DAB1: variants seen among roughly 807,000 people sequenced by gnomAD.
DAB1 encodes DAB adaptor protein 1.
In DAB1, 15 loss-of-function variants were observed where a neutral mutation model predicts 64.6. The observed-to-expected ratio is 0.23, with a 90% CI of 0.16 to 0.36. The LOEUF (loss-of-function observed/expected upper bound fraction) is 0.36. DAB1 is among the 10% of genes least tolerant of loss of function. The probability of loss-of-function intolerance (pLI) is 1.00; values close to 1 mark genes in which losing one functional copy is unlikely to be tolerated. For missense variants in DAB1, 596 were observed against 706.7 expected, an observed-to-expected ratio of 0.84 and a Z score of 1.78; for synonymous variants, 235 against 251.9, an observed-to-expected ratio of 0.93 and a Z score of 0.64.
chr1:57,288,147 G>T (rs1401135492), intron 2 of DAB1, among the ~76,000 whole-genome samples: 1 of 152,128 alleles, frequency 6.6e-6, no homozygotes, highest in Admixed American at 6.5e-5. Context: ...AATGTATAGA[G>T]AATAATAATT....
At chr1:58,290,388 C>A (rs753653617) in intron 4 of DAB1, among the ~76,000 whole-genome samples, 39 of 152,156 alleles carry the variant, frequency 2.6e-4, no homozygotes, top group Admixed American at 1.6e-3. Context: ...ATGAGCAAGT[C>A]ATAAAGCAGC....
chr1:58,455,378 C>T (rs905607691), intron 3 of DAB1, among the ~76,000 whole-genome samples: 4 of 152,196 alleles, frequency 2.6e-5, no homozygotes, highest in African/African-American at 9.7e-5. Context: ...GCCTTAATAC[C>T]CTAGGATTGC....
intron 1 of DAB1, among the ~76,000 whole-genome samples, chr1:57,861,347 T>C (rs1886137): frequency 0.11 from 17,073 of 152,250 alleles, 1,181 homozygotes; most frequent in Admixed American, 0.24. Flanking sequence ...GGTGCCAGCA[T>C]GGTCAGATTC....
At chr1:58,114,268 G>GA (rs1428063158) in intron 5 of DAB1, among the ~76,000 whole-genome samples, 2 of 151,798 alleles carry the variant, frequency 1.3e-5, no homozygotes, top group Admixed American at 6.6e-5. Context: ...TCTCAAAAAA[G>GA]AAAAAAAGTT....
intron 3 of DAB1, among the ~76,000 whole-genome samples, chr1:58,456,521 G>A (rs1217247337): frequency 1.3e-5 from 2 of 152,202 alleles, no homozygotes; most frequent in African/African-American, 4.8e-5. Flanking sequence ...TGTGGCAATG[G>A]AGGAGTGTGA....
intron 7 of DAB1, among the ~76,000 whole-genome samples, chr1:57,606,628 A>C (rs1161421678): frequency 3.4e-5 from 4 of 116,144 alleles, no homozygotes; most frequent in Non-Finnish European, 4.8e-5. Context: ...AATATATGAA[A>C]TATATTATAT....
At chr1:58,462,408 T>C (rs1308374837) in intron 3 of DAB1, 1 of 152,204 alleles carries the variant, frequency 6.6e-6, no homozygotes, top group Non-Finnish European at 1.5e-5. Flanking sequence ...TTAACTAAAT[T>C]CTTTTCTGTA....
chr1:58,158,457 G>C lies in DAB1; in HGVS notation n.310-7869C>G, dbSNP rs80082989. Among the ~76,000 whole-genome samples the C allele has an allele frequency of 1.4e-3, 211 of 152,114 alleles. 1 individual carries two copies. Among genetic ancestry groups the C allele is most frequent in the Non-Finnish European group, 2.4e-3 (163 of 67,996 alleles). ...TGGCTTGTTCAAAGCTAAAACTCTC[G>C]GTCCACATCCAGGATGGTCCCCCAC... On this transcript the variant is annotated intron_variant and non_coding_transcript_variant, in intron 4 of 20. Transcript: ENST00000485760.
intron 9 of DAB1, among the ~76,000 whole-genome samples, chr1:57,059,021 T>C (rs1650119505): frequency 6.6e-6 from 1 of 152,178 alleles, no homozygotes; most frequent in South Asian, 2.1e-4. Flanking sequence ...GTACTCTATT[T>C]GGGGTAAGGA....
chr1:58,496,059 T>C (rs529118949), intron 3 of DAB1, among the ~76,000 whole-genome samples: 1 of 152,314 alleles, frequency 6.6e-6, no homozygotes, highest in South Asian at 2.1e-4. Context: ...AAAAATATGA[T>C]ATAGAAACCA....
intron 6 of DAB1, among the ~76,000 whole-genome samples, chr1:57,654,273 T>C (rs1278358757): frequency 6.6e-6 from 1 of 152,036 alleles, no homozygotes; most frequent in Non-Finnish European, 1.5e-5. Flanking sequence ...TGGTCACATG[T>C]GCCATGGAAA....
chr1:57,239,366 T>C (rs1036746158), intron 2 of DAB1, among the ~76,000 whole-genome samples: 1 of 152,336 alleles, frequency 6.6e-6, no homozygotes, highest in East Asian at 1.9e-4. Context: ...TGGTTAGTGC[T>C]CATCTTCCCC....
chr1:57,169,017 C>T (rs976534544), intron 2 of DAB1, among the ~76,000 whole-genome samples: 6 of 152,106 alleles, frequency 3.9e-5, no homozygotes, highest in Non-Finnish European at 7.4e-5. Context: ...AATCATGCCA[C>T]TGCACTCCAG....
At chr1:58,147,487 A>C (rs1654670004) in intron 5 of DAB1, among the ~76,000 whole-genome samples, 1 of 151,224 alleles carries the variant, frequency 6.6e-6, no homozygotes, top group Admixed American at 6.6e-5. Flanking sequence ...GCGTGGTGGC[A>C]GACGCCTGTA....
At chr1:58,306,653 A>G (rs569650938) in intron 4 of DAB1, among the ~76,000 whole-genome samples, 1 of 152,264 alleles carries the variant, frequency 6.6e-6, no homozygotes, top group Non-Finnish European at 1.5e-5. Context: ...CCTCCACCCA[A>G]TGGGGAATGA....
At chr1:57,634,878 G>T (rs1646032485) in intron 7 of DAB1, among the ~76,000 whole-genome samples, 1 of 152,192 alleles carries the variant, frequency 6.6e-6, no homozygotes, top group Non-Finnish European at 1.5e-5. Flanking sequence ...CAATGGGGTG[G>T]GGAGGGTATA....
chr1:57,430,332 C>T (rs1685452594), intron 7 of DAB1, among the ~76,000 whole-genome samples: 1 of 151,696 alleles, frequency 6.6e-6, no homozygotes. Flanking sequence ...ACATGCCAGG[C>T]ATTTAGGAAT....
intron 14 of DAB1, among the ~76,000 whole-genome samples, chr1:57,004,188 C>T (rs1645978195): frequency 6.6e-6 from 1 of 152,154 alleles, no homozygotes; most frequent in Admixed American, 6.5e-5. Context: ...GGTTCAGACT[C>T]CCATTTCTGT....
intron 6 of DAB1, among the ~76,000 whole-genome samples, chr1:57,696,790 T>C (rs1191150412): frequency 6.6e-6 from 1 of 152,222 alleles, no homozygotes; most frequent in African/African-American, 2.4e-5. Flanking sequence ...GCCACCTATC[T>C]GACATGCCTT....
Sources: allele counts gnomAD v4.1 joint callset (sites outside exome capture counted in the v4.1 genomes callset), GRCh38; gene constraint gnomAD v4.1.1; transcripts MANE v1.5; gene names NCBI Gene and HGNC (gene_info 2026-07-23, HGNC 2026-07-21).